Variants in RBMS3 observed in about 807,000 individuals in gnomAD.
RBMS3 encodes the protein RNA binding motif single stranded interacting protein 3.
A neutral mutation model predicts 66.8 loss-of-function variants in RBMS3; 27 were observed. That is an observed-to-expected ratio of 0.40 (90% CI 0.30 to 0.56). RBMS3 has a LOEUF of 0.56. Ranked by LOEUF, RBMS3 falls within the 20% of genes least tolerant of loss-of-function variation. RBMS3 has a pLI of 0.40. For synonymous variants in RBMS3, 188 were observed against 183.0 expected (o/e 1.03, Z -0.22); for missense variants, 513 against 549.5 (o/e 0.93, Z 0.66).
chr3:29,476,021 T>C (rs1380236755), intron 2 of RBMS3, among the ~76,000 whole-genome samples: 1 of 152,162 alleles, frequency 6.6e-6, no homozygotes, highest in Non-Finnish European at 1.5e-5. Flanking sequence ...AGGTGTGTTC[T>C]TTGTCATGTA....
At chr3:29,739,545 T>C (rs1226232485) in intron 4 of RBMS3, among the ~76,000 whole-genome samples, 175 bp from the exon 5 acceptor site, 1 of 152,092 alleles carries the variant, frequency 6.6e-6, no homozygotes, top group Non-Finnish European at 1.5e-5. Flanking sequence ...ATTTTGTCTA[T>C]GATAAACATT....
At chr3:29,353,007 G>T (rs55693916) in intron 1 of RBMS3, among the ~76,000 whole-genome samples, 32,423 of 151,068 alleles carry the variant, frequency 0.21, 4,008 homozygotes, top group African/African-American at 0.34. Context: ...ATTGGTTCAT[G>T]CCTTCATTAT....
At chr3:29,308,758 A>AC (rs60817541) in intron 1 of RBMS3, among the ~76,000 whole-genome samples, 20,895 of 88,786 alleles carry the variant, frequency 0.24, 1,355 homozygotes, top group African/African-American at 0.33. Flanking sequence ...AAAAAAAACA[A>AC]AAAAAAAAAC....
chr3:29,552,601 T>C (rs1226394867), intron 3 of RBMS3, among the ~76,000 whole-genome samples: 1 of 152,168 alleles, frequency 6.6e-6, no homozygotes, highest in East Asian at 1.9e-4. Context: ...ATAGCAGTAG[T>C]GTTATTCCGA....
chr3:29,989,327 C>T (rs115208199), intron 13 of RBMS3, among the ~76,000 whole-genome samples: 309 of 152,302 alleles, frequency 2.0e-3, no homozygotes, highest in African/African-American at 7.2e-3. Context: ...TGGTAAAACA[C>T]TTAGGTACCT....
chr3:29,448,756 C>T (rs183732295), intron 2 of RBMS3, among the ~76,000 whole-genome samples: 2 of 152,302 alleles, frequency 1.3e-5, no homozygotes, highest in East Asian at 1.9e-4. Context: ...CTAGGCCTCC[C>T]GTTACAAGTA....
intron 1 of RBMS3, among the ~76,000 whole-genome samples, chr3:29,300,195 C>T (rs2033576924): frequency 6.6e-6 from 1 of 151,970 alleles, no homozygotes; most frequent in Non-Finnish European, 1.5e-5. Flanking sequence ...CAGTCACTTT[C>T]ACTCATTGTT....
chr3:29,971,172 T>C (rs961205794), intron 12 of RBMS3, among the ~76,000 whole-genome samples: 1 of 152,150 alleles, frequency 6.6e-6, no homozygotes, highest in African/African-American at 2.4e-5. Flanking sequence ...TGGACTCACT[T>C]GTCCACCCTG....
At chr3:29,392,313 CAT>C (rs1426995026) in intron 1 of RBMS3, among the ~76,000 whole-genome samples, 1 of 152,094 alleles carries the variant, frequency 6.6e-6, no homozygotes, top group Non-Finnish European at 1.5e-5. Context: ...ATATATAAAA[CAT>C]ATACAAACCA....
At chr3:29,407,656 C>T in intron 1 of RBMS3, among the ~76,000 whole-genome samples, 1 of 152,176 alleles carries the variant, frequency 6.6e-6, no homozygotes, top group Non-Finnish European at 1.5e-5. Flanking sequence ...CTTTCTCCCT[C>T]TTCCCTCTAA....
intron 14 of RBMS3, among the ~76,000 whole-genome samples, chr3:29,992,713 G>C (rs1698967095): frequency 2.6e-5 from 4 of 152,152 alleles, no homozygotes; most frequent in Admixed American, 6.5e-5. Flanking sequence ...AGCCGAGTGA[G>C]GGGGTCAGTG....
intron 8 of RBMS3, among the ~76,000 whole-genome samples, chr3:29,884,470 C>CTCT (rs1491200120): frequency 4.3e-4 from 30 of 70,504 alleles, no homozygotes; most frequent in East Asian, 5.5e-4. Context: ...CTCTCTCTCT[C>CTCT]CCCCCCCGCT....
At chr3:29,419,332 CT>C (rs1553600619) in intron 1 of RBMS3, among the ~76,000 whole-genome samples, 1 of 152,106 alleles carries the variant, frequency 6.6e-6, no homozygotes, top group Non-Finnish European at 1.5e-5. Context: ...ATATTTTAAT[CT>C]TTAAAATATT....
At position 29,407,751 on chromosome 3, in the gene RBMS3, T is replaced by C. The variant is rs184251322; in HGVS notation, c.76-26992T>C. Among the ~76,000 whole-genome samples, 148 of 152,292 alleles carry C rather than the reference T, an allele frequency of 9.7e-4. 1 individual carries two copies. Among genetic ancestry groups the C allele is most frequent in the African/African-American group, 3.4e-3 (143 of 41,560 alleles). ...TTCTGCCCTGTTAGCACAGTCTTAT[T>C]TTACAGTCAATGCAAATGATTATCC... is the stretch of plus-strand genomic sequence containing the variant. On this transcript the variant is annotated intron_variant, in intron 1 of 14. Coordinates refer to ENST00000383767, the MANE Select transcript of RBMS3 (RefSeq NM_001003793.3).
chr3:29,585,974 C>T (rs1474970094), intron 3 of RBMS3, among the ~76,000 whole-genome samples: 4 of 152,030 alleles, frequency 2.6e-5, no homozygotes, highest in Non-Finnish European at 5.9e-5. Context: ...GAAACAACTT[C>T]GTAATTGGAT....
intron 6 of RBMS3, among the ~76,000 whole-genome samples, chr3:29,862,608 G>A (rs1236878270): frequency 1.3e-5 from 2 of 151,934 alleles, no homozygotes; most frequent in African/African-American, 4.8e-5. Flanking sequence ...CAGATGGAGG[G>A]GTGTGTGTGT....
At chr3:29,943,099 C>A (rs2149702101) in intron 11 of RBMS3, among the ~76,000 whole-genome samples, 1 of 151,830 alleles carries the variant, frequency 6.6e-6, no homozygotes, top group Middle Eastern at 3.4e-3. Flanking sequence ...GCCATTTACT[C>A]AGGAGAGAGT....
intron 4 of RBMS3, among the ~76,000 whole-genome samples, chr3:29,611,932 A>G (rs1033606534): frequency 1.2e-4 from 18 of 151,974 alleles, no homozygotes; most frequent in African/African-American, 4.3e-4. Flanking sequence ...ACATATATTA[A>G]TGGTAGTACA....
intron 6 of RBMS3, among the ~76,000 whole-genome samples, chr3:29,816,311 GACACACACACACAC>G (rs66518208): frequency 7.2e-5 from 5 of 69,058 alleles, no homozygotes; most frequent in Non-Finnish European, 1.7e-4. Flanking sequence ...GACACACACA[GACACACACACACAC>G]ACACACACAC....
Sources: gnomAD v4.1 joint callset for allele counts (sites outside exome capture counted in the v4.1 genomes callset) on GRCh38, gnomAD v4.1.1 for gene constraint, MANE v1.5 for transcripts, NCBI Gene and HGNC (gene_info 2026-07-23, HGNC 2026-07-21) for gene names.